The following TRNAU1AP variants were observed in gnomAD, a reference collection of about 807,000 sequenced individuals.
TRNAU1AP encodes the protein tRNA selenocysteine 1-associated protein 1.
TRNAU1AP carries 33 observed loss-of-function variants against 43.3 expected under a neutral mutation model. That is an observed-to-expected ratio of 0.76 (90% confidence interval 0.58 to 1.02). TRNAU1AP has a LOEUF of 1.02. Among genes scored for constraint, TRNAU1AP ranks in the 50% least tolerant of loss-of-function variants. The pLI is 0.00. For missense variants in TRNAU1AP, 290 were observed against 362.7 expected (o/e 0.80, Z 1.63); for synonymous variants, 143 against 129.1 (o/e 1.11, Z -0.73).
chr1:28,560,600 A>G, intron 2 of TRNAU1AP, 33 bp from the exon 3 acceptor site: 2 of 1,572,808 alleles, frequency 1.3e-6, no homozygotes, highest in South Asian at 2.2e-5. Context: ...TTTATCTTTA[A>G]CCATTTTCTT....
At chr1:28,564,928 A>T in intron 5 of TRNAU1AP, 94 bp downstream of exon 5, 1 of 1,500,210 alleles carries the variant, frequency 6.7e-7, no homozygotes, top group South Asian at 1.2e-5. Flanking sequence ...CAGCATGGCG[A>T]TTAAGACCAC....
intron 8 of TRNAU1AP, among the ~76,000 whole-genome samples, chr1:28,573,042 T>C (rs1570258675): frequency 6.7e-6 from 1 of 149,140 alleles, no homozygotes; most frequent in Non-Finnish European, 1.5e-5. Flanking sequence ...TTTTCTTTTT[T>C]TTTTTTTTTT....
intron 2 of TRNAU1AP, among the ~76,000 whole-genome samples, chr1:28,555,551 G>A (rs914140991): frequency 4.7e-5 from 7 of 148,680 alleles, no homozygotes; most frequent in Admixed American, 1.4e-4. Context: ...AGGTTGGAGT[G>A]CAGTGGCGCG....
At position 28,577,679 on chromosome 1, in the gene TRNAU1AP, G is replaced by T. The variant is rs376374764; in HGVS notation, c.*43G>T. 1.1e-4 allele frequency: 175 copies of T among 1,550,852 alleles called. No individual in the cohort carries two copies. The highest frequency in any genetic ancestry group is 1.5e-4 in the Non-Finnish European group (169 of 1,149,282). Reference sequence around the variant, plus strand: ...CCAGGTTGCATGATGTGAGGGAGATGAGAGACTCCTTTTTAAAAATTGTGA... The same window carrying T: ...CCAGGTTGCATGATGTGAGGGAGATTAGAGACTCCTTTTTAAAAATTGTGA... On this transcript the variant is annotated 3_prime_UTR_variant, in exon 9 of 9. Coordinates refer to ENST00000373830, the MANE Select transcript of TRNAU1AP (RefSeq NM_017846.5).
At chr1:28,577,079 C>T (rs1665805189) in intron 8 of TRNAU1AP, among the ~76,000 whole-genome samples, 1 of 152,184 alleles carries the variant, frequency 6.6e-6, no homozygotes, top group Admixed American at 6.6e-5. Flanking sequence ...AGTACATACA[C>T]ACACACATAC....
chr1:28,560,539 CTG>C (rs1049268698), intron 2 of TRNAU1AP, 92 bp from the exon 3 acceptor site: 8 of 997,256 alleles, frequency 8.0e-6, no homozygotes, highest in Non-Finnish European at 1.2e-5. Flanking sequence ...GCCTCCCAAA[CTG>C]TTGGGATTAT....
intron 7 of TRNAU1AP, 81 bp from the exon 8 acceptor site, chr1:28,571,786 A>AAAAATAAAATAAAAAAT: frequency 9.9e-7 from 1 of 1,008,580 alleles, no homozygotes; most frequent in Non-Finnish European, 1.5e-6. Flanking sequence ...CCACCTCAAA[A>AAAAATAAAATAAAAAAT]AAAATAAAAA....
At chr1:28,564,921 C>A in intron 5 of TRNAU1AP, 87 bp downstream of exon 5, 1 of 1,541,918 alleles carries the variant, frequency 6.5e-7, no homozygotes, top group African/African-American at 1.4e-5. Context: ...GGCCCTGCAG[C>A]ATGGCGATTA....
chr1:28,563,909 A>C (rs1326024705), intron 4 of TRNAU1AP, among the ~76,000 whole-genome samples: 1 of 152,062 alleles, frequency 6.6e-6, no homozygotes, highest in African/African-American at 2.4e-5. Flanking sequence ...TTTTAATAGA[A>C]TTGACCTCCT....
rs1290780979 is a variant in TRNAU1AP at position 28,553,706 on chromosome 1, A to G, written c.94A>G (p.Ser32Gly). 3 of 1,614,182 alleles carry G rather than the reference A, an allele frequency of 1.9e-6. No individual in the cohort carries two copies. The highest frequency in any genetic ancestry group is 1.7e-5 in the Admixed American group (1 of 60,010). Residue 32 changes from serine to glycine, a missense_variant, in exon 2 of 9, where the codon AGC (serine) becomes GGC (glycine). By Grantham distance (56) the Ser-to-Gly change is moderately conservative. This residue lies in a region of TRNAU1AP where 59 missense variants were observed against 45.5 expected (regional missense o/e 1.30). Transcript: ENST00000373830. ...AFATMGETVM[S>G]VKIIRNRLTG... is the part of the protein sequence containing the mutation. ...TGCCACCATGGGGGAGACCGTAATG[A>G]GCGTCAAAATTATCCGAAACCGCCT...
chr1:28,570,791 A>T (rs1297320572), intron 6 of TRNAU1AP, among the ~76,000 whole-genome samples: 2 of 152,096 alleles, frequency 1.3e-5, no homozygotes, highest in Non-Finnish European at 2.9e-5. Flanking sequence ...GAGGATTAAA[A>T]GAGTTAATTG....
chr1:28,572,209 G>A (rs1487055963), intron 8 of TRNAU1AP, among the ~76,000 whole-genome samples: 1 of 151,966 alleles, frequency 6.6e-6, no homozygotes, highest in Non-Finnish European at 1.5e-5. Context: ...TTGTGTGTGT[G>A]TGTGGTGGAG....
At position 28,560,749 on chromosome 1, in the gene TRNAU1AP, A is replaced by T. The variant is rs144594170; in HGVS notation, c.225+17A>T. 35 of 1,576,806 alleles carry T rather than the reference A, an allele frequency of 2.2e-5. No individual in the cohort carries two copies. In the African/African-American group the frequency reaches 3.5e-4, roughly 16 times the overall value. ...GCCACACCTGTAAGGACATTTAGAT[A>T]ATGATGATGTTGCCATTATTATTGT... On this transcript the variant is annotated intron_variant, in intron 3 of 8. Transcript: ENST00000373830.
chr1:28,571,341 A>T lies in TRNAU1AP; in HGVS notation c.693+3A>T. ...GCTATACCCAGAGCACCATGCAGGT[A>T]ACCATGACTTGGCAAGACTGGTCCC... On this transcript the variant is annotated splice_donor_region_variant and intron_variant, in intron 7 of 8. Coordinates refer to ENST00000373830, the MANE Select transcript of TRNAU1AP (RefSeq NM_017846.5). 6.2e-7 allele frequency: 1 copy of T among 1,613,850 alleles called. No homozygotes were observed. The highest frequency in any genetic ancestry group is 2.2e-5 in the East Asian group (1 of 44,878).
chr1:28,563,094 C>T (rs1408680096), intron 4 of TRNAU1AP, among the ~76,000 whole-genome samples: 1 of 151,520 alleles, frequency 6.6e-6, no homozygotes, highest in Non-Finnish European at 1.5e-5. Flanking sequence ...TGGGGTTTCA[C>T]CATCTTGGTC....
At chr1:28,553,770 C>T in intron 2 of TRNAU1AP, 33 bp downstream of exon 2, 2 of 1,561,994 alleles carry the variant, frequency 1.3e-6, no homozygotes, top group Non-Finnish European at 1.8e-6. Flanking sequence ...CTTAATACAT[C>T]TCGTTGCAGC....
intron 4 of TRNAU1AP, among the ~76,000 whole-genome samples, chr1:28,563,778 G>A (rs1477630532): frequency 6.6e-6 from 1 of 151,766 alleles, no homozygotes; most frequent in Non-Finnish European, 1.5e-5. Context: ...CTTAAACCCA[G>A]AAGGCAGAGG....
intron 2 of TRNAU1AP, among the ~76,000 whole-genome samples, chr1:28,556,659 C>G (rs973193558): frequency 1.3e-5 from 2 of 151,794 alleles, no homozygotes; most frequent in African/African-American, 4.8e-5. Context: ...TTACAAGCAC[C>G]TGCCACCACG....
At chr1:28,573,627 G>A (rs1263601280) in intron 8 of TRNAU1AP, among the ~76,000 whole-genome samples, 4 of 152,046 alleles carry the variant, frequency 2.6e-5, no homozygotes, top group African/African-American at 9.7e-5. Context: ...AAAAAAATTA[G>A]CCAGGCGTGG....
Sources: allele counts gnomAD v4.1 joint callset (sites outside exome capture counted in the v4.1 genomes callset), GRCh38; gene constraint gnomAD v4.1.1; regional missense constraint gnomAD v4.1.1; transcripts MANE v1.5; gene names NCBI Gene and HGNC (gene_info 2026-07-23, HGNC 2026-07-21).